FGFR1: variants seen among roughly 807,000 people sequenced by gnomAD.
FGFR1 encodes the protein FGFR1/PLAG1 fusion.
FGFR1 carries 18 observed loss-of-function variants against 93.7 expected under a neutral mutation model. The ratio of observed to expected loss-of-function variants is 0.19; its 90% CI spans 0.13 to 0.28. The LOEUF is 0.28. Among genes scored for constraint, FGFR1 ranks in the 10% least tolerant of loss-of-function variants. The pLI, the probability that FGFR1 is intolerant of heterozygous loss-of-function variation, is 1.00. For missense variants in FGFR1, 731 were observed against 1,080.4 expected, an observed-to-expected ratio of 0.68 and a Z score of 4.53; for synonymous variants, 448 against 429.3, an observed-to-expected ratio of 1.04 and a Z score of -0.54.
chr8:38,457,455 T>C lies in FGFR1; in HGVS notation c.-9A>G. The C allele has an allele frequency of 1.2e-6, 2 of 1,614,036 alleles. No homozygotes were observed. On this transcript the variant is annotated 5_prime_UTR_variant, in exon 2 of 18. Transcript: ENST00000447712. ...CACTTCCAGCTCCACATCCCAGTTC[T>C]GCAGTTAGAGGTTGGTGACAAGGCT...
In FGFR1 at chr8:38,418,338, C is replaced by T. The variant is rs2150677395; in HGVS notation, c.1320G>A (p.Gly440=). The T allele has an allele frequency of 6.2e-7, 1 of 1,614,148 alleles. No homozygotes were observed. The highest frequency in any genetic ancestry group is 8.5e-7 in the Non-Finnish European group (1 of 1,180,008). Reference sequence around the variant, plus strand: ...GCCGTGATGGCCGAACCAGAAGAACCCCAGAGTTCATGGATGCACTGGAGT... The same window carrying T: ...GCCGTGATGGCCGAACCAGAAGAACTCCAGAGTTCATGGATGCACTGGAGT... ...SADSSASMNS[G]VLLVRPSRLS... is the part of the protein sequence containing the mutation. Residue 440 remains glycine, a synonymous_variant, in exon 10 of 18, where the codon GGG becomes GGA. Coordinates refer to ENST00000447712, the MANE Select transcript of FGFR1 (RefSeq NM_023110.3).
chr8:38,448,519 G>A (rs1436727250), intron 2 of FGFR1, among the ~76,000 whole-genome samples: 1 of 152,052 alleles, frequency 6.6e-6, no homozygotes, highest in Non-Finnish European at 1.5e-5. Flanking sequence ...GAGCCACCGC[G>A]CCCAGCCTAA....
chr8:38,432,403 G>A (rs994154950), intron 2 of FGFR1, among the ~76,000 whole-genome samples: 2 of 150,936 alleles, frequency 1.3e-5, no homozygotes, highest in Non-Finnish European at 3.0e-5. Flanking sequence ...GAACCATCTC[G>A]GGATAAATTT....
In FGFR1 at chr8:38,412,559, G is replaced by A; in HGVS notation, c.*1069C>T. ...TTTCTGACTTTCCAAAAGCAGCGGA[G>A]AGGCAGGAGGTGCGTCGTGAGGTCT... On this transcript the variant is annotated 3_prime_UTR_variant, in exon 18 of 18. Transcript: ENST00000447712. The A allele has an allele frequency of 4.3e-6, 1 of 233,494 alleles. No individual in the cohort carries two copies. Among genetic ancestry groups the A allele is most frequent in the Non-Finnish European group, 8.5e-6 (1 of 118,022 alleles). The allele number at this position is 233,494 out of a possible 1,614,324, so 14.5% of individuals were successfully genotyped here. A position where few individuals can be genotyped will look rare whatever the true frequency, so the allele number is the denominator to read the frequency against.
In FGFR1 at chr8:38,412,470, G is replaced by A. The variant is rs540727041; in HGVS notation, c.*1158C>T. On this transcript the variant is annotated 3_prime_UTR_variant, in exon 18 of 18. Transcript: ENST00000447712. ...CCATGGTCGATGGCTGCTGGGCCTT[G>A]ACTCTCTGCCCAGCGCCTCTACTGC... 1 of 231,076 alleles carries A rather than the reference G, an allele frequency of 4.3e-6. No homozygotes were observed. The highest frequency in any genetic ancestry group is 2.2e-5 in the African/African-American group (1 of 45,188). 14.3% of individuals were successfully genotyped at this position (231,076 alleles called of 1,614,324 possible).
intron 1 of FGFR1, among the ~76,000 whole-genome samples, chr8:38,459,943 G>A (rs906597249): frequency 1.2e-4 from 19 of 152,160 alleles, no homozygotes; most frequent in South Asian, 2.1e-4. Context: ...CGGGACTTTG[G>A]GAGGCTGAGG....
chr8:38,430,831 TC>T (rs1200325431), intron 2 of FGFR1: 1 of 152,056 alleles, frequency 6.6e-6, no homozygotes, highest in Non-Finnish European at 1.5e-5. Context: ...CCTCACAAGA[TC>T]TGATACCACC....
At chr8:38,438,690 A>G (rs545723425) in intron 2 of FGFR1, among the ~76,000 whole-genome samples, 69 of 152,322 alleles carry the variant, frequency 4.5e-4, no homozygotes, top group Admixed American at 1.4e-3. Context: ...CAGAATCCAC[A>G]TACATCATAC....
chr8:38,414,642 C>T lies in FGFR1; in HGVS notation c.1978-13G>A, dbSNP rs761708658. ...CAGGCAGTCGGCCCTGAAAGCAGCA[C>T]AGGGGAGGTTGGAGTGGCCCCAGGC... On this transcript the variant is annotated splice_polypyrimidine_tract_variant and intron_variant, in intron 14 of 17. Coordinates refer to ENST00000447712, the MANE Select transcript of FGFR1 (RefSeq NM_023110.3). 1.2e-5 allele frequency: 19 copies of T among 1,613,602 alleles called. No individual in the cohort carries two copies. The East Asian group carries it at 2.7e-4, about 23-fold the overall frequency.
rs2293971 is a variant in FGFR1 at position 38,426,493 on chromosome 8, C to T, written c.622-248G>A. 0.18 allele frequency among the ~76,000 whole-genome samples: 27,964 copies of T among 152,192 alleles called. 2,993 individuals carry two copies. The highest frequency in any genetic ancestry group is 0.31 in the East Asian group (1,589 of 5,170). ...GTGACGTTCAAGATCATTCGTGATC[C>T]GGACAGATGTGCCTTCTGCAAACAC... On this transcript the variant is annotated intron_variant, in intron 5 of 17. Transcript: ENST00000447712. This position sits in a 1 kb window ranked among gnomAD's most constrained non-coding sequence, Gnocchi z 4.1.
intron 13 of FGFR1, among the ~76,000 whole-genome samples, chr8:38,415,468 A>AT (rs11451619): frequency 0.19 from 26,424 of 141,656 alleles, 2,942 homozygotes; most frequent in Admixed American, 0.29. Context: ...TAATTTTTTA[A>AT]TTTTTTTTTT....
In FGFR1 at chr8:38,428,424, AG is replaced by A; in HGVS notation, c.369del (p.Ser124ProfsTer28). 1 of 1,612,894 alleles carries A rather than the reference AG, an allele frequency of 6.2e-7. No individual in the cohort carries two copies. The highest frequency in any genetic ancestry group is 8.5e-7 in the Non-Finnish European group (1 of 1,179,644). On this transcript the variant is annotated frameshift_variant, in exon 4 of 18. Coordinates refer to ENST00000447712, the MANE Select transcript of FGFR1 (RefSeq NM_023110.3). LOFTEE classifies it high-confidence loss of function. ...YFSVNVSDAL[P>X]SSEDDDDDDD... ...TCATCATCATCATCATCCTCCGAGGAGGGGAGAGCATCTATGGGAAGAAGAA... is the reference window on the plus strand; with the variant it reads ...TCATCATCATCATCATCCTCCGAGGAGGGAGAGCATCTATGGGAAGAAGAA...
In FGFR1 at chr8:38,426,301, A is replaced by G. The variant is rs557518073; in HGVS notation, c.622-56T>C. On this transcript the variant is annotated intron_variant, in intron 5 of 17. Transcript: ENST00000447712. This position sits in a 1 kb window ranked among gnomAD's most constrained non-coding sequence, Gnocchi z 4.1. ...GGGTCCAGAGGAAAATGCAGGCCCC[A>G]TGACAATGTCGGCACCCCGTGGCAC... is the stretch of plus-strand genomic sequence containing the variant. The G allele has an allele frequency of 4.3e-6, 7 of 1,610,852 alleles. No individual in the cohort carries two copies. In the East Asian group the frequency reaches 1.6e-4, roughly 36 times the overall value.
intron 2 of FGFR1, among the ~76,000 whole-genome samples, chr8:38,436,765 T>C (rs1190850252): frequency 1.3e-5 from 2 of 151,994 alleles, no homozygotes; most frequent in East Asian, 3.9e-4. Context: ...GATTTTCCCA[T>C]GGTGCTTTCA....
intron 2 of FGFR1, chr8:38,434,492 G>T: frequency 2.5e-6 from 1 of 401,534 alleles, no homozygotes; most frequent in Non-Finnish European, 4.8e-6. Flanking sequence ...GTAGCTTGTG[G>T]ATTCTCATCT....
At position 38,429,236 on chromosome 8, in the gene FGFR1, T is replaced by C. The variant is rs1821910644; in HGVS notation, c.358+446A>G. On this transcript the variant is annotated intron_variant, in intron 3 of 17. Coordinates refer to ENST00000447712, the MANE Select transcript of FGFR1 (RefSeq NM_023110.3). The surrounding 1 kb of genome is among the most constrained non-coding windows in gnomAD (Gnocchi z 4.4). The stretch of plus-strand genomic sequence containing the variant: ...CCCTGGCTGCCCTCGCACAGCTCCC[T>C]TGCGGTGCACCTGGGTTCCTCTCCA... The C allele has an allele frequency of 2.1e-6, 1 of 472,516 alleles. No homozygotes were observed. The highest frequency in any genetic ancestry group is 2.3e-5 in the Admixed American group (1 of 43,276). 29.3% of individuals were successfully genotyped at this position (472,516 alleles called of 1,614,324 possible). A position where few individuals can be genotyped will look rare whatever the true frequency, so the allele number is the denominator to read the frequency against.
chr8:38,417,653 C>A (rs1040131992), intron 11 of FGFR1: 5 of 752,968 alleles, frequency 6.6e-6, no homozygotes, highest in Non-Finnish European at 1.1e-5. Context: ...AGGATAAACA[C>A]CTGACCACAG....
chr8:38,421,976 C>A, intron 7 of FGFR1, 35 bp from the exon 8 acceptor site: 1 of 1,613,162 alleles, frequency 6.2e-7, no homozygotes, highest in East Asian at 2.2e-5. Context: ...TGGACAAGCA[C>A]AGGACATGAG....
In FGFR1 at chr8:38,429,493, C is replaced by T; in HGVS notation, c.358+189G>A. 1.3e-6 allele frequency: 1 copy of T among 740,950 alleles called. No individual in the cohort carries two copies. 45.9% of individuals were successfully genotyped at this position (740,950 alleles called of 1,614,324 possible). A position where few individuals can be genotyped will look rare whatever the true frequency, so the allele number is the denominator to read the frequency against. On this transcript the variant is annotated intron_variant, in intron 3 of 17. Coordinates refer to ENST00000447712, the MANE Select transcript of FGFR1 (RefSeq NM_023110.3). This position sits in a 1 kb window ranked among gnomAD's most constrained non-coding sequence, Gnocchi z 4.4. ...CCAGATCTCCGGCCCTGGGGCCCAC[C>T]CCACCTAGTCACCTCTCTGAGAGCC...
Sources: gnomAD v4.1 joint callset for allele counts (sites outside exome capture counted in the v4.1 genomes callset) on GRCh38, gnomAD v4.1.1 for gene constraint, Gnocchi (gnomAD v3.1) non-coding constraint, MANE v1.5 for transcripts, NCBI Gene and HGNC (gene_info 2026-07-23, HGNC 2026-07-21) for gene names.